Variants in SYTL2 observed in about 807,000 individuals in gnomAD.
SYTL2 encodes synaptotagmin-like protein 2.
SYTL2 carries 165 observed loss-of-function variants against 198.7 expected under a neutral mutation model. That is an observed-to-expected ratio of 0.83 (90% CI 0.73 to 0.94). SYTL2 has a LOEUF of 0.94. Ranked by LOEUF, SYTL2 falls within the 40% of genes least tolerant of loss-of-function variation. The probability of loss-of-function intolerance (pLI) is 0.00; values close to 1 mark genes in which losing one functional copy is unlikely to be tolerated. For missense variants in SYTL2, 2,835 were observed against 2,582.8 expected (o/e 1.10, Z -2.12); for synonymous variants, 966 against 917.7 (o/e 1.05, Z -0.95).
Position 85,734,448 on chromosome 11 carries a change from A to C in SYTL2, c.881T>G (p.Phe294Cys), listed in dbSNP as rs759944810. Residue 294 changes from phenylalanine (F) to cysteine (C), a missense_variant, in exon 7 of 20, where the codon TTT (phenylalanine) becomes TGT (cysteine). Transcript: ENST00000359152. ...DSETLRYNHN[F>C]EPKSKIVSPG... ...TGACACAATTTTGCTTTTGGGTTCA[A>C]AGTTGTGATTATAACGAAGGGTTTC... is the stretch of plus-strand genomic sequence containing the variant. 3.1e-6 allele frequency: 5 copies of C among 1,614,166 alleles called. No individual in the cohort carries two copies. The highest frequency in any genetic ancestry group is 1.1e-5 in the South Asian group (1 of 91,074).
rs770615092 is a variant in SYTL2 at position 85,707,540 on chromosome 11, G to A, written c.5916-9C>T. 20 of 1,520,012 alleles carry A rather than the reference G, an allele frequency of 1.3e-5. No individual in the cohort carries two copies. The African/African-American group carries it at 1.8e-4, about 14-fold the overall frequency. 94.2% of individuals were successfully genotyped at this position (1,520,012 alleles called of 1,614,324 possible). ...AATAGGCCTTTACATATCTGAAAAGGAGAATTGAACAGACAAAGTCAAAGA... is the reference window on the plus strand; with the variant it reads ...AATAGGCCTTTACATATCTGAAAAGAAGAATTGAACAGACAAAGTCAAAGA... On this transcript the variant is annotated splice_polypyrimidine_tract_variant and intron_variant, in intron 14 of 19. Transcript: ENST00000359152.
intron 1 of SYTL2, among the ~76,000 whole-genome samples, chr11:85,787,212 T>C (rs1475662646): frequency 6.6e-6 from 1 of 152,202 alleles, no homozygotes; most frequent in Non-Finnish European, 1.5e-5. Context: ...GAACCTGCGA[T>C]TTCCCATTTG....
chr11:85,709,985 CTAA>C (rs2085969323), intron 13 of SYTL2, among the ~76,000 whole-genome samples: 1 of 152,126 alleles, frequency 6.6e-6, no homozygotes, highest in South Asian at 2.1e-4. Context: ...GCCCAGCCGA[CTAA>C]TGTTTTTAAA....
At chr11:85,845,279 G>C in the SYTL2 span, among the ~76,000 whole-genome samples, 16 of 152,286 alleles carry the variant, frequency 1.1e-4, no homozygotes, top group South Asian at 2.5e-3. Context: ...GGCAGAGATA[G>C]AATCTGTCCA....
intron 11 of SYTL2, among the ~76,000 whole-genome samples, chr11:85,715,305 C>T (rs192396346): frequency 3.9e-5 from 6 of 152,198 alleles, no homozygotes; most frequent in Admixed American, 3.9e-4. Flanking sequence ...AACATCTAAG[C>T]TTTTCTTATG....
At chr11:85,775,526 AGGCTAGAGTACAGT>A (rs2092437771) in intron 1 of SYTL2, among the ~76,000 whole-genome samples, 1 of 152,188 alleles carries the variant, frequency 6.6e-6, no homozygotes, top group Admixed American at 6.5e-5. Context: ...TCTATCATCC[AGGCTAGAGTACAGT>A]GGCGCTATCT....
At chr11:85,830,331 T>A in the SYTL2 span, among the ~76,000 whole-genome samples, 2 of 151,980 alleles carry the variant, frequency 1.3e-5, no homozygotes, top group Non-Finnish European at 2.9e-5. Flanking sequence ...GTGCACTTCA[T>A]CAATTTTCAT....
intron 11 of SYTL2, chr11:85,716,695 T>TATACAC: frequency 7.1e-6 from 1 of 140,734 alleles, no homozygotes; most frequent in East Asian, 2.1e-4. Flanking sequence ...TAAAAAATCA[T>TATACAC]ACACACACAC....
chr11:85,721,984 C>T (rs1321664004), intron 8 of SYTL2, among the ~76,000 whole-genome samples: 1 of 152,012 alleles, frequency 6.6e-6, no homozygotes, highest in Non-Finnish European at 1.5e-5. Context: ...TAGCTTGCTC[C>T]CCAAAATTAC....
At chr11:85,822,899 C>A in the SYTL2 span, among the ~76,000 whole-genome samples, 9 of 152,238 alleles carry the variant, frequency 5.9e-5, no homozygotes, top group Non-Finnish European at 1.3e-4. Flanking sequence ...ACTTCCCAAG[C>A]AAGCACTTGA....
At chr11:85,718,868 G>T in intron 9 of SYTL2, 25 bp from the exon 10 acceptor site, 2 of 1,612,050 alleles carry the variant, frequency 1.2e-6, no homozygotes, top group South Asian at 1.1e-5. Flanking sequence ...TTAACAAATG[G>T]TTAACATGGC....
At chr11:85,735,673 C>G (rs1303586959) in intron 6 of SYTL2, among the ~76,000 whole-genome samples, 1 of 152,060 alleles carries the variant, frequency 6.6e-6, no homozygotes, top group African/African-American at 2.4e-5. Context: ...ACTAGAAGCC[C>G]CGGAACCCGG....
rs772673633 is a variant in SYTL2 at position 85,745,746 on chromosome 11, C to T, written c.280G>A (p.Gly94Arg). 6.2e-7 allele frequency: 1 copy of T among 1,613,420 alleles called. No individual in the cohort carries two copies. Among genetic ancestry groups the T allele is most frequent in the Non-Finnish European group, 8.5e-7 (1 of 1,179,552 alleles). Residue 94 changes from glycine (G) to arginine (R), a missense_variant, in exon 4 of 20, where the codon GGG becomes AGG. Around this residue, in one of 3 missense-constraint regions of SYTL2, gnomAD observed 2,645 missense variants for 2,381.7 expected, o/e 1.11. Coordinates refer to ENST00000359152, the MANE Select transcript of SYTL2 (RefSeq NM_206927.4). ...TTATTCACCCAGCTTTCCTTTGCCC[C>T]ATTTTCTCTGTCTTTACTCTGCTCA... ...AAEQSKDREN[G>R]AKESWVNNVN...
At chr11:85,718,683 G>T (rs1380952295) in intron 10 of SYTL2, 107 bp downstream of exon 10, 6 of 931,652 alleles carry the variant, frequency 6.4e-6, no homozygotes, top group Admixed American at 4.1e-5. Flanking sequence ...ACCACATAGT[G>T]GCAAATGACG....
chr11:85,744,497 C>T (rs2091015040), intron 4 of SYTL2, among the ~76,000 whole-genome samples: 1 of 152,174 alleles, frequency 6.6e-6, no homozygotes, highest in South Asian at 2.1e-4. Flanking sequence ...GAATGATCCC[C>T]TTTCCAAATG....
chr11:85,809,879 G>A (rs570948308), intron 1 of SYTL2, among the ~76,000 whole-genome samples: 14 of 152,218 alleles, frequency 9.2e-5, no homozygotes, highest in Admixed American at 8.5e-4. Flanking sequence ...AGGGGTGGAG[G>A]AAAGTGAGGG....
chr11:85,729,691 A>G (rs1443947913), intron 7 of SYTL2, among the ~76,000 whole-genome samples: 2 of 152,210 alleles, frequency 1.3e-5, no homozygotes, highest in East Asian at 3.8e-4. Context: ...CTGGAAAAGC[A>G]AGAGCAAACA....
chr11:85,811,521 G>C (rs971230154), upstream of SYTL2, among the ~76,000 whole-genome samples: 1 of 152,166 alleles, frequency 6.6e-6, no homozygotes, highest in African/African-American at 2.4e-5. Flanking sequence ...ACTCCGAGAA[G>C]GGACAGCCAC....
In SYTL2 at chr11:85,734,580, T is replaced by C. The variant is rs1445948379; in HGVS notation, c.749A>G (p.Lys250Arg). ...KMIYKSTDLN[K>R]DDNQSFPRQR... ...TCTAGGAAAAGACTGGTTATCATCT[T>C]TGTTTAAATCAGTTGATTTGTAGAT... The change falls in exon 7 of 20, where the codon AAA becomes AGA. Residue 250 changes from lysine (K) to arginine (R), a missense_variant. This residue lies in a region of SYTL2 where 2,645 missense variants were observed against 2,381.7 expected (regional missense o/e 1.11). Coordinates refer to ENST00000359152, the MANE Select transcript of SYTL2 (RefSeq NM_206927.4). 6.2e-7 allele frequency: 1 copy of C among 1,614,250 alleles called. No individual in the cohort carries two copies. The highest frequency in any genetic ancestry group is 1.1e-5 in the South Asian group (1 of 91,082).
Sources: gnomAD v4.1 joint callset for allele counts (sites outside exome capture counted in the v4.1 genomes callset) on GRCh38, gnomAD v4.1.1 for gene constraint, gnomAD v4.1.1 regional missense constraint, MANE v1.5 for transcripts, NCBI Gene and HGNC (gene_info 2026-07-23, HGNC 2026-07-21) for gene names.